YJU2B: variants seen among roughly 807,000 people sequenced by gnomAD.
The protein encoded by YJU2B is YJU2 splicing factor homolog B.
Under a neutral mutation model 38.0 loss-of-function variants are expected in YJU2B, and 18 were observed. That is an observed-to-expected ratio of 0.47 (90% CI 0.33 to 0.70). The LOEUF (loss-of-function observed/expected upper bound fraction) is 0.70, where lower values mean the gene tolerates loss of function less well. YJU2B is among the 30% of genes least tolerant of loss of function. YJU2B has a pLI of 0.02. For missense variants in YJU2B, 538 were observed against 556.3 expected, an observed-to-expected ratio of 0.97 and a Z score of 0.33; for synonymous variants, 246 against 225.4, an observed-to-expected ratio of 1.09 and a Z score of -0.82.
Position 13,763,182 on chromosome 19 carries a change from C to G in YJU2B, c.*114C>G, listed in dbSNP as rs11878381. ...ACCAGCCCTGGGAGAGCTCAGATGC[C>G]GCATCCTCCCCAGACCGCGCCTTCC... On this transcript the variant is annotated 3_prime_UTR_variant, in exon 10 of 10. Transcript: ENST00000221554. The G allele has an allele frequency of 2.1e-5, 17 of 815,532 alleles. 1 individual carries two copies. Among genetic ancestry groups the G allele is most frequent in the African/African-American group, 1.6e-4 (9 of 57,816 alleles). The allele number at this position is 815,532 out of a possible 1,614,324, so 50.5% of individuals were successfully genotyped here.
chr19:13,754,146 T>G, intron 2 of YJU2B, 143 bp from the exon 3 acceptor site: 1 of 654,822 alleles, frequency 1.5e-6, no homozygotes, highest in Non-Finnish European at 2.7e-6. Flanking sequence ...CACTCCAGCA[T>G]GGGTGACAGA....
At chr19:13,733,414 T>C (rs1972868564) in intron 2 of YJU2B, among the ~76,000 whole-genome samples, 1 of 151,932 alleles carries the variant, frequency 6.6e-6, no homozygotes, top group African/African-American at 2.4e-5. Flanking sequence ...GAGCAGCATA[T>C]CCAGCCTCTG....
intron 8 of YJU2B, chr19:13,759,488 G>A: frequency 2.0e-6 from 1 of 511,806 alleles, no homozygotes; most frequent in Non-Finnish European, 3.4e-6. Context: ...ATTTGGCTGG[G>A]CACAGTGACT....
intron 8 of YJU2B, among the ~76,000 whole-genome samples, chr19:13,761,750 C>T (rs1329761655): frequency 9.0e-5 from 9 of 99,722 alleles, no homozygotes; most frequent in African/African-American, 4.7e-4. Context: ...TTGAAACAGT[C>T]TCCCCCCTTT....
intron 5 of YJU2B, among the ~76,000 whole-genome samples, 156 bp from the exon 6 acceptor site, chr19:13,757,630 A>C (rs1310885655): frequency 2.0e-5 from 3 of 152,070 alleles, no homozygotes; most frequent in African/African-American, 7.2e-5. Flanking sequence ...TTGCAGAGGG[A>C]TTAGGAAGCC....
In YJU2B at chr19:13,756,295, A is replaced by G. The variant is rs1006156308; in HGVS notation, c.140+16A>G. On this transcript the variant is annotated intron_variant, in intron 4 of 9. Coordinates refer to ENST00000221554, the MANE Select transcript of YJU2B (RefSeq NM_030818.4). ...TCATCATCCGGTAAGGCCCAGCATC[A>G]CCTGAGGACCCCACCGTCCTGCCCC... 1.2e-6 allele frequency: 2 copies of G among 1,607,026 alleles called. No individual in the cohort carries two copies. The highest frequency in any genetic ancestry group is 1.7e-6 in the Non-Finnish European group (2 of 1,173,640).
chr19:13,761,016 A>G (rs404195), intron 8 of YJU2B, among the ~76,000 whole-genome samples: 80,120 of 151,638 alleles, frequency 0.53, 22,535 homozygotes, highest in African/African-American at 0.74. Context: ...TGATCCACCC[A>G]CCTCAACCTC....
chr19:13,741,389 A>C (rs918249333), intron 2 of YJU2B, among the ~76,000 whole-genome samples: 1 of 151,066 alleles, frequency 6.6e-6, no homozygotes, highest in Non-Finnish European at 1.5e-5. Flanking sequence ...CCCTGACCTC[A>C]TGATCGGCCC....
At position 13,751,814 on chromosome 19, in the gene YJU2B, G is replaced by A; in HGVS notation, c.3+3G>A. 2 of 1,614,098 alleles carry A rather than the reference G, an allele frequency of 1.2e-6. No homozygotes were observed. The highest frequency in any genetic ancestry group is 8.5e-7 in the Non-Finnish European group (1 of 1,179,976). On this transcript the variant is annotated splice_donor_region_variant and intron_variant, in intron 2 of 9. Transcript: ENST00000221554. ...ACCAGTAGGCAGCTCCCAAGATGGT[G>A]AGTAGACAGCCTCGTGTGCCCTGGG... is the stretch of plus-strand genomic sequence containing the variant.
chr19:13,734,435 G>T (rs1204927389), intron 2 of YJU2B, among the ~76,000 whole-genome samples: 1 of 151,776 alleles, frequency 6.6e-6, no homozygotes, highest in Non-Finnish European at 1.5e-5. Context: ...GGATTACAGG[G>T]ACACACCACC....
In YJU2B at chr19:13,752,601, A is replaced by G. The variant is rs887781128; in HGVS notation, c.3+790A>G. 2.6e-5 allele frequency among the ~76,000 whole-genome samples: 4 copies of G among 152,108 alleles called. No individual in the cohort carries two copies. The East Asian group carries it at 7.7e-4, about 29-fold the overall frequency. On this transcript the variant is annotated intron_variant, in intron 2 of 9. Transcript: ENST00000221554. ...TCTACTAAAAATACAAAAATTAGCCAGGCGTGTTGGCGGGAGCCTGTAGTC... is the reference window on the plus strand; with the variant it reads ...TCTACTAAAAATACAAAAATTAGCCGGGCGTGTTGGCGGGAGCCTGTAGTC...
chr19:13,742,137 G>C (rs904582688), intron 2 of YJU2B, among the ~76,000 whole-genome samples: 1 of 152,014 alleles, frequency 6.6e-6, no homozygotes, highest in Non-Finnish European at 1.5e-5. Context: ...CAAGAGCTCA[G>C]AGGAACTTTG....
At chr19:13,736,706 G>C (rs1972956867) in intron 2 of YJU2B, among the ~76,000 whole-genome samples, 1 of 152,102 alleles carries the variant, frequency 6.6e-6, no homozygotes, top group Non-Finnish European at 1.5e-5. Flanking sequence ...AAAATAGGCA[G>C]TCTTTGCCGT....
At chr19:13,743,509 A>G (rs370237340), upstream of YJU2B, among the ~76,000 whole-genome samples, 260 of 124,752 alleles carry the variant, frequency 2.1e-3, no homozygotes, top group Middle Eastern at 0.018. Flanking sequence ...GAACCTGGGA[A>G]GTTGAGGTTG....
chr19:13,756,962 C>T (rs1416285525), intron 4 of YJU2B, among the ~76,000 whole-genome samples: 5 of 130,932 alleles, frequency 3.8e-5, no homozygotes, highest in South Asian at 5.0e-4. Flanking sequence ...GGCAACAGAG[C>T]GAGACTCCAT....
At position 13,762,581 on chromosome 19, in the gene YJU2B, C is replaced by T. The variant is rs1599542108; in HGVS notation, c.713-9C>T. 2.6e-6 allele frequency: 4 copies of T among 1,527,490 alleles called. No individual in the cohort carries two copies. Among genetic ancestry groups the T allele is most frequent in the East Asian group, 4.5e-5 (2 of 44,240 alleles). 94.6% of individuals were successfully genotyped at this position (1,527,490 alleles called of 1,614,324 possible). The stretch of plus-strand genomic sequence containing the variant: ...TGCCGCCCCTGAAATGTCCTCTCCT[C>T]TCCTCTAGCCTACGAGGACAAGCAG... On this transcript the variant is annotated splice_polypyrimidine_tract_variant and intron_variant, in intron 9 of 9. Coordinates refer to ENST00000221554, the MANE Select transcript of YJU2B (RefSeq NM_030818.4).
chr19:13,757,913 G>T (rs1233399845), intron 6 of YJU2B, 67 bp downstream of exon 6: 2 of 1,412,960 alleles, frequency 1.4e-6, no homozygotes, highest in Admixed American at 1.7e-5. Context: ...GCTACAAAGA[G>T]CCTGAGTTGC....
Position 13,751,689 on chromosome 19 carries a change from G to A in YJU2B, c.-120G>A, listed in dbSNP as rs1191131433. Reference sequence around the variant, plus strand: ...CCACCACACGGCCCACGACATCTTCGCAGGGAAGCCTGTGGACCCTCTGCC... The same window carrying A: ...CCACCACACGGCCCACGACATCTTCACAGGGAAGCCTGTGGACCCTCTGCC... On this transcript the variant is annotated 5_prime_UTR_variant, in exon 2 of 10. Coordinates refer to ENST00000221554, the MANE Select transcript of YJU2B (RefSeq NM_030818.4). 16 of 1,067,520 alleles carry A rather than the reference G, an allele frequency of 1.5e-5. No homozygotes were observed. The highest frequency in any genetic ancestry group is 7.8e-5 in the African/African-American group (5 of 64,218). 66.1% of individuals were successfully genotyped at this position (1,067,520 alleles called of 1,614,324 possible). A position where few individuals can be genotyped will look rare whatever the true frequency, so the allele number is the denominator to read the frequency against.
chr19:13,757,600 G>A, intron 5 of YJU2B, 127 bp downstream of exon 5: 6 of 1,082,440 alleles, frequency 5.5e-6, no homozygotes, highest in Non-Finnish European at 5.6e-6. Flanking sequence ...CCGAGTGACT[G>A]GCTGGCCATG....
Sources: gnomAD v4.1 joint callset for allele counts (sites outside exome capture counted in the v4.1 genomes callset) on GRCh38, gnomAD v4.1.1 for gene constraint, MANE v1.5 for transcripts, NCBI Gene and HGNC (gene_info 2026-07-23, HGNC 2026-07-21) for gene names.